AKAP7: variants seen among roughly 807,000 people sequenced by gnomAD.
AKAP7 encodes the protein A kinase (PRKA) anchor protein 7.
A neutral mutation model predicts 39.5 loss-of-function variants in AKAP7; 39 were observed. The ratio of observed to expected loss-of-function variants is 0.99; its 90% CI spans 0.76 to 1.29. The LOEUF (loss-of-function observed/expected upper bound fraction) is 1.29, where lower values mean the gene tolerates loss of function less well. AKAP7 is among the 50% of genes most tolerant of loss of function. AKAP7 has a pLI of 0.00. For synonymous variants in AKAP7, 140 were observed against 139.1 expected, an observed-to-expected ratio of 1.01 and a Z score of -0.05; for missense variants, 414 against 407.7, an observed-to-expected ratio of 1.02 and a Z score of -0.13.
intron 7 of AKAP7, among the ~76,000 whole-genome samples, chr6:131,248,653 C>T (rs1465911960): frequency 6.6e-6 from 1 of 152,088 alleles, no homozygotes; most frequent in African/African-American, 2.4e-5. Context: ...TGGGTAGTGG[C>T]AGTGTTAAGG....
chr6:131,268,716 A>C (rs1268304682), intron 7 of AKAP7, among the ~76,000 whole-genome samples: 1 of 152,248 alleles, frequency 6.6e-6, no homozygotes, highest in African/African-American at 2.4e-5. Flanking sequence ...TTCCTAGCCT[A>C]GGATAATCAG....
chr6:131,212,570 G>T (rs1277070860), intron 6 of AKAP7, among the ~76,000 whole-genome samples: 1 of 152,106 alleles, frequency 6.6e-6, no homozygotes, highest in African/African-American at 2.4e-5. Flanking sequence ...AATGTAAATC[G>T]CAATGCCACT....
chr6:131,151,023 T>C (rs1801865568), intron 2 of AKAP7, among the ~76,000 whole-genome samples: 1 of 152,136 alleles, frequency 6.6e-6, no homozygotes, highest in Non-Finnish European at 1.5e-5. Context: ...CTTTACATTT[T>C]CTCACATAAT....
intron 7 of AKAP7, among the ~76,000 whole-genome samples, chr6:131,238,138 T>C (rs1467700665): frequency 6.6e-6 from 1 of 152,186 alleles, no homozygotes; most frequent in Non-Finnish European, 1.5e-5. Context: ...AGAACATCTT[T>C]ATTTCTGCCT....
chr6:131,177,267 A>G (rs894850125), intron 5 of AKAP7, among the ~76,000 whole-genome samples: 4 of 152,186 alleles, frequency 2.6e-5, no homozygotes, highest in African/African-American at 9.7e-5. Context: ...TTATGAAGGA[A>G]AGACGTTTAT....
intron 7 of AKAP7, among the ~76,000 whole-genome samples, chr6:131,269,235 G>A (rs1814071900): frequency 1.3e-5 from 2 of 152,072 alleles, no homozygotes; most frequent in African/African-American, 4.8e-5. Context: ...GCTAATTTTT[G>A]TATTTTTAGT....
chr6:131,266,052 C>G (rs1813772601), intron 7 of AKAP7, among the ~76,000 whole-genome samples: 1 of 152,144 alleles, frequency 6.6e-6, no homozygotes, highest in African/African-American at 2.4e-5. Context: ...GAACACAGCC[C>G]CTCACCTCCA....
upstream of AKAP7, among the ~76,000 whole-genome samples, chr6:131,133,753 C>T (rs771469598): frequency 3.3e-5 from 5 of 152,194 alleles, no homozygotes; most frequent in Non-Finnish European, 7.3e-5. Flanking sequence ...TACACATGCA[C>T]ATAGATGCTT....
intron 7 of AKAP7, among the ~76,000 whole-genome samples, chr6:131,220,923 C>A (rs1233080798): frequency 6.6e-6 from 1 of 152,106 alleles, no homozygotes; most frequent in East Asian, 1.9e-4. Flanking sequence ...CTCCACCGAA[C>A]AGCCATTCAT....
At position 131,139,976 on chromosome 6, in the gene AKAP7, ACT is replaced by A. The variant is rs199590399; in HGVS notation, c.19+4196_19+4197del. Among the ~76,000 whole-genome samples the A allele has an allele frequency of 6.9e-3, 1,050 of 152,272 alleles. 9 individuals carry two copies. The highest frequency in any genetic ancestry group is 0.024 in the African/African-American group (1,010 of 41,546). The stretch of plus-strand genomic sequence containing the variant: ...GGTGCCTAGAAGATTGGATTACCTA[ACT>A]CAGCCCTGAGCTGGCGATCTGCAAG... On this transcript the variant is annotated intron_variant, in intron 1 of 7. Transcript: ENST00000431975.
intron 5 of AKAP7, among the ~76,000 whole-genome samples, chr6:131,187,399 A>G (rs1287163280): frequency 6.6e-6 from 1 of 152,028 alleles, no homozygotes; most frequent in Non-Finnish European, 1.5e-5. Context: ...TTATTTTATA[A>G]TTTTATTTAT....
At chr6:131,263,279 A>C (rs1813507767) in intron 7 of AKAP7, among the ~76,000 whole-genome samples, 2 of 152,156 alleles carry the variant, frequency 1.3e-5, no homozygotes, top group Non-Finnish European at 2.9e-5. Flanking sequence ...TCAGCCTCTT[A>C]GGTTCCCTTG....
intron 7 of AKAP7, among the ~76,000 whole-genome samples, chr6:131,280,449 A>G (rs1256459267): frequency 1.3e-5 from 2 of 152,118 alleles, no homozygotes; most frequent in African/African-American, 2.4e-5. Flanking sequence ...TTCAATCCCT[A>G]TTACATGTGA....
intron 5 of AKAP7, among the ~76,000 whole-genome samples, chr6:131,178,559 G>A (rs910591774): frequency 4.6e-5 from 7 of 152,142 alleles, no homozygotes; most frequent in Non-Finnish European, 7.4e-5. Flanking sequence ...CTTAGTTATA[G>A]CTATCACGAC....
chr6:131,237,166 T>C (rs1041013246), intron 7 of AKAP7, among the ~76,000 whole-genome samples: 1 of 152,212 alleles, frequency 6.6e-6, no homozygotes, highest in East Asian at 1.9e-4. Flanking sequence ...AAGATAATCA[T>C]GTGGTTTTTG....
At position 131,282,733 on chromosome 6, in the gene AKAP7, T is replaced by A; in HGVS notation, c.*1007T>A. On this transcript the variant is annotated 3_prime_UTR_variant, in exon 8 of 8. Coordinates refer to ENST00000431975, the MANE Select transcript of AKAP7 (RefSeq NM_016377.4). ...AGCAAACCAACATTTGGTGAGGAATTAGCAATTTCTTGCCAAAGAAAATTG... is the reference window on the plus strand; with the variant it reads ...AGCAAACCAACATTTGGTGAGGAATAAGCAATTTCTTGCCAAAGAAAATTG... 1 of 682,462 alleles carries A rather than the reference T, an allele frequency of 1.5e-6. No individual in the cohort carries two copies. The highest frequency in any genetic ancestry group is 2.2e-6 in the Non-Finnish European group (1 of 455,086). The allele number at this position is 682,462 out of a possible 1,614,324, so 42.3% of individuals were successfully genotyped here.
At chr6:131,159,578 T>C (rs1203740750) in intron 2 of AKAP7, among the ~76,000 whole-genome samples, 1 of 152,246 alleles carries the variant, frequency 6.6e-6, no homozygotes, top group African/African-American at 2.4e-5. Flanking sequence ...CTCTTAATTT[T>C]TGCAACAAAT....
At chr6:131,187,470 G>A (rs1282174710) in intron 5 of AKAP7, among the ~76,000 whole-genome samples, 4 of 151,670 alleles carry the variant, frequency 2.6e-5, no homozygotes, top group Non-Finnish European at 5.9e-5. Context: ...CTTTCATAGA[G>A]ACTTATTTCA....
intron 7 of AKAP7, among the ~76,000 whole-genome samples, chr6:131,221,165 CA>C (rs1429843756): frequency 1.3e-5 from 2 of 152,128 alleles, no homozygotes; most frequent in Non-Finnish European, 2.9e-5. Flanking sequence ...ACACACAAAT[CA>C]AAAGAAAGTG....
Sources: allele counts gnomAD v4.1 joint callset (sites outside exome capture counted in the v4.1 genomes callset), GRCh38; gene constraint gnomAD v4.1.1; transcripts MANE v1.5; gene names NCBI Gene and HGNC (gene_info 2026-07-23, HGNC 2026-07-21).